PALM: variants seen among roughly 807,000 people sequenced by gnomAD.
PALM encodes the protein paralemmin.
PALM carries 18 observed loss-of-function variants against 30.7 expected under a neutral mutation model. That is an observed-to-expected ratio of 0.59 (90% confidence interval 0.41 to 0.87). The LOEUF is 0.87. PALM is among the 40% of genes least tolerant of loss of function. The pLI is 0.00. For synonymous variants in PALM, 286 were observed against 242.8 expected, an observed-to-expected ratio of 1.18 and a Z score of -1.66; for missense variants, 529 against 555.4, an observed-to-expected ratio of 0.95 and a Z score of 0.48.
rs906279278 is a variant in PALM at position 742,081 on chromosome 19, C to A, written c.634+1598C>A. Among the ~76,000 whole-genome samples, 1 of 152,094 alleles carries A rather than the reference C, an allele frequency of 6.6e-6. No homozygotes were observed. The highest frequency in any genetic ancestry group is 6.6e-5 in the Admixed American group (1 of 15,260). Reference sequence around the variant, plus strand: ...CCTTAATGGGAGGCTCATCTGGGCCCGGGACATTGAGGCTGCAATGAGCTA... The same window carrying A: ...CCTTAATGGGAGGCTCATCTGGGCCAGGGACATTGAGGCTGCAATGAGCTA... On this transcript the variant is annotated intron_variant, in intron 8 of 8. Coordinates refer to ENST00000338448, the MANE Select transcript of PALM (RefSeq NM_002579.3). This position sits in a 1 kb window ranked among gnomAD's most constrained non-coding sequence, Gnocchi z 5.5.
At position 742,616 on chromosome 19, in the gene PALM, A is replaced by G. The variant is rs28798681; in HGVS notation, c.634+2133A>G. Among the ~76,000 whole-genome samples, 2,709 of 147,766 alleles carry G rather than the reference A, an allele frequency of 0.018. 90 individuals carry two copies. Among genetic ancestry groups the G allele is most frequent in the African/African-American group, 0.063 (2,536 of 40,484 alleles). ...GTGAAACTCTGTCTCAAAAAAAAAA[A>G]AAAGAAAGAAAAGAGAATAAATGGG... On this transcript the variant is annotated intron_variant, in intron 8 of 8. Coordinates refer to ENST00000338448, the MANE Select transcript of PALM (RefSeq NM_002579.3). This position sits in a 1 kb window ranked among gnomAD's most constrained non-coding sequence, Gnocchi z 5.5.
chr19:726,007 A>T, intron 1 of PALM, 131 bp from the exon 2 acceptor site: 2 of 729,892 alleles, frequency 2.7e-6, no homozygotes, highest in South Asian at 3.3e-5. Context: ...CAGAAGGGGA[A>T]ACTGGGGTTC....
At chr19:718,011 G>A (rs1011963370) in intron 1 of PALM, among the ~76,000 whole-genome samples, 3 of 152,034 alleles carry the variant, frequency 2.0e-5, no homozygotes, top group East Asian at 1.9e-4. Flanking sequence ...GTGAAACCCC[G>A]TCTCTACTAA....
Position 746,185 on chromosome 19 carries a change from A to T in PALM, c.635-100A>T, listed in dbSNP as rs986311254. ...GATTTCCTCTTTAGCCTGGAGGAGG[A>T]TACAAGCCTTGCCAAGGTTTCCCTC... On this transcript the variant is annotated intron_variant, in intron 8 of 8. Coordinates refer to ENST00000338448, the MANE Select transcript of PALM (RefSeq NM_002579.3). The surrounding 1 kb of genome is among the most constrained non-coding windows in gnomAD (Gnocchi z 7.1). 3 of 845,104 alleles carry T rather than the reference A, an allele frequency of 3.5e-6. No homozygotes were observed. The highest frequency in any genetic ancestry group is 1.7e-5 in the African/African-American group (1 of 59,076). 52.4% of individuals were successfully genotyped at this position (845,104 alleles called of 1,614,324 possible).
chr19:717,403 C>T (rs879567790), intron 1 of PALM, among the ~76,000 whole-genome samples: 2 of 152,070 alleles, frequency 1.3e-5, no homozygotes, highest in Admixed American at 6.6e-5. Context: ...TCACACGCTG[C>T]GTGGCCTTCT....
At chr19:726,082 T>C in intron 1 of PALM, 56 bp from the exon 2 acceptor site, 1 of 1,380,172 alleles carries the variant, frequency 7.2e-7, no homozygotes, top group Non-Finnish European at 1.0e-6. Context: ...TTGAACCGCG[T>C]CTGACGGACA....
chr19:735,444 A>G (rs113739705), intron 6 of PALM, among the ~76,000 whole-genome samples: 1 of 70,174 alleles, frequency 1.4e-5, no homozygotes, highest in Non-Finnish European at 2.6e-5. Context: ...CGTGTGTCTG[A>G]GGGCCCAGGT....
intron 1 of PALM, among the ~76,000 whole-genome samples, chr19:710,140 A>G (rs535675816): frequency 6.6e-6 from 1 of 152,178 alleles, no homozygotes; most frequent in East Asian, 1.9e-4. Context: ...CGAGGACCGA[A>G]GACCGGATCT....
intron 1 of PALM, among the ~76,000 whole-genome samples, chr19:711,481 A>T (rs1326141325): frequency 6.6e-6 from 1 of 152,158 alleles, no homozygotes; most frequent in Admixed American, 6.6e-5. Flanking sequence ...TTTCAATAGG[A>T]AAGTCTCCGT....
intron 8 of PALM, among the ~76,000 whole-genome samples, chr19:744,751 G>A (rs557634213): frequency 2.9e-4 from 42 of 145,338 alleles, no homozygotes; most frequent in Admixed American, 8.3e-4. Context: ...AAAATCAGCC[G>A]GGCATGGTGG....
In PALM at chr19:728,276, C is replaced by T. The variant is rs568758650; in HGVS notation, c.269+582C>T. ...GCGGGCGGGAGGCCCAGGCTGTGCT[C>T]GGGGGCAGCAGGGTCAGGGTGGAGG... On this transcript the variant is annotated intron_variant, in intron 4 of 8. Transcript: ENST00000338448. Among the ~76,000 whole-genome samples, 3 of 152,218 alleles carry T rather than the reference C, an allele frequency of 2.0e-5. No homozygotes were observed. In the East Asian group the frequency reaches 5.8e-4, roughly 29 times the overall value.
chr19:727,187 C>A, intron 3 of PALM, 99 bp downstream of exon 3: 2 of 733,602 alleles, frequency 2.7e-6, no homozygotes, highest in Non-Finnish European at 4.6e-6. Flanking sequence ...CCAATCCCAA[C>A]CTGACCCTGA....
chr19:739,985 G>A (rs536844141), intron 7 of PALM, among the ~76,000 whole-genome samples: 18 of 152,250 alleles, frequency 1.2e-4, no homozygotes, highest in African/African-American at 4.1e-4. Context: ...AAAAAGATCC[G>A]GGAACAATGA....
intron 1 of PALM, among the ~76,000 whole-genome samples, chr19:712,822 C>G (rs1237710055): frequency 2.0e-5 from 3 of 152,114 alleles, no homozygotes; most frequent in African/African-American, 4.8e-5. Context: ...ATTACAGGTG[C>G]CTGCCACCAC....
In PALM at chr19:746,214, C is replaced by G. The variant is rs1009729031; in HGVS notation, c.635-71C>G. 5.5e-6 allele frequency: 7 copies of G among 1,273,840 alleles called. No individual in the cohort carries two copies. The Admixed American group carries it at 1.4e-4, about 25-fold the overall frequency. The allele number at this position is 1,273,840 out of a possible 1,614,324, so 78.9% of individuals were successfully genotyped here. ...AAGCCTTGCCAAGGTTTCCCTCCTG[C>G]CTGAGCCAGGTCACTCTCTCTGTCC... On this transcript the variant is annotated intron_variant, in intron 8 of 8. Coordinates refer to ENST00000338448, the MANE Select transcript of PALM (RefSeq NM_002579.3). This position sits in a 1 kb window ranked among gnomAD's most constrained non-coding sequence, Gnocchi z 7.1.
At chr19:721,865 T>C (rs2032493698) in intron 1 of PALM, among the ~76,000 whole-genome samples, 1 of 152,216 alleles carries the variant, frequency 6.6e-6, no homozygotes, top group South Asian at 2.1e-4. Flanking sequence ...CCCAAAGTGC[T>C]GGGATTCCAG....
In PALM at chr19:726,993, CGGCCCT is replaced by C; in HGVS notation, c.58-14_58-9del. 11 of 1,311,592 alleles carry C rather than the reference CGGCCCT, an allele frequency of 8.4e-6. No homozygotes were observed. The highest frequency in any genetic ancestry group is 2.7e-5 in the East Asian group (1 of 36,868). The allele number at this position is 1,311,592 out of a possible 1,614,324, so 81.2% of individuals were successfully genotyped here. A position where few individuals can be genotyped will look rare whatever the true frequency, so the allele number is the denominator to read the frequency against. On this transcript the variant is annotated splice_polypyrimidine_tract_variant and intron_variant, in intron 2 of 8. Transcript: ENST00000338448. ...CCCCACGCCCATCCCTGACCCCACC[CGGCCCT>C]CCCCACAGGAGAAGCGGAAGCGGCA...
Position 734,157 on chromosome 19 carries a change from C to G in PALM, c.421-16C>G, listed in dbSNP as rs2032952380. 1 of 1,613,830 alleles carries G rather than the reference C, an allele frequency of 6.2e-7. No homozygotes were observed. Among genetic ancestry groups the G allele is most frequent in the African/African-American group, 1.3e-5 (1 of 74,922 alleles). On this transcript the variant is annotated splice_polypyrimidine_tract_variant and intron_variant, in intron 5 of 8. Coordinates refer to ENST00000338448, the MANE Select transcript of PALM (RefSeq NM_002579.3). ...GGATGCTGACGCCCCTGACCCTTCTCTCTTCTTTCTTGCAGACGCCGGTGG... is the reference window on the plus strand; with the variant it reads ...GGATGCTGACGCCCCTGACCCTTCTGTCTTCTTTCTTGCAGACGCCGGTGG...
rs543595765 is a variant in PALM, at chr19:719,518, G to C, written c.6-6620G>C. The stretch of plus-strand genomic sequence containing the variant: ...GCTCCAGGGGCTCTGCGCGGCTGCC[G>C]GGAGCCAGGGAGGCTCGGAGACCCA... On this transcript the variant is annotated intron_variant, in intron 1 of 8. Coordinates refer to ENST00000338448, the MANE Select transcript of PALM (RefSeq NM_002579.3). 5.6e-4 allele frequency: 556 copies of C among 985,350 alleles called. 1 individual carries two copies. Among genetic ancestry groups the C allele is most frequent in the Non-Finnish European group, 6.5e-4 (543 of 829,924 alleles). 61.0% of individuals were successfully genotyped at this position (985,350 alleles called of 1,614,324 possible).
Sources: allele counts gnomAD v4.1 joint callset (sites outside exome capture counted in the v4.1 genomes callset), GRCh38; gene constraint gnomAD v4.1.1; non-coding constraint Gnocchi (gnomAD v3.1); transcripts MANE v1.5; gene names NCBI Gene and HGNC (gene_info 2026-07-23, HGNC 2026-07-21).